ZNF529: variants seen among roughly 807,000 people sequenced by gnomAD.
The protein encoded by ZNF529 is zinc finger protein 529.
ZNF529 carries 11 observed loss-of-function variants against 10.1 expected under a neutral mutation model. The ratio of observed to expected loss-of-function variants is 1.09; its 90% CI spans 0.69 to 1.81. The LOEUF is 1.81. ZNF529 is among the 40% of genes most tolerant of loss of function. The probability of loss-of-function intolerance (pLI) is 0.00; values close to 1 mark genes in which losing one functional copy is unlikely to be tolerated. For synonymous variants in ZNF529, 204 were observed against 215.7 expected (o/e 0.95, Z 0.47); for missense variants, 624 against 666.8 (o/e 0.94, Z 0.71).
chr19:36,577,254 C>T (rs181434020), upstream of ZNF529: 2 of 430,744 alleles, frequency 4.6e-6, no homozygotes, highest in Admixed American at 5.1e-5. Flanking sequence ...ACCACCGTGC[C>T]CGGCCCTACT....
At chr19:36,576,932 G>C (rs916577061), upstream of ZNF529, among the ~76,000 whole-genome samples, 1 of 151,106 alleles carries the variant, frequency 6.6e-6, no homozygotes, top group Admixed American at 6.6e-5. Flanking sequence ...CAGTTTACTA[G>C]TGAGTGATTC....
chr19:36,570,326 A>AT (rs1455279155), intron 2 of ZNF529, among the ~76,000 whole-genome samples: 1 of 144,058 alleles, frequency 6.9e-6, no homozygotes, highest in African/African-American at 2.6e-5. Flanking sequence ...CCACCACTGC[A>AT]TTTCAGCCTG....
intron 4 of ZNF529, 71 bp from the exon 5 acceptor site, chr19:36,548,393 A>C (rs2035135525): frequency 1.4e-6 from 2 of 1,396,028 alleles, no homozygotes; most frequent in Non-Finnish European, 1.9e-6. Context: ...GAGACAATTT[A>C]AGAATAATTC....
At chr19:36,564,957 G>A (rs1440243990) in intron 2 of ZNF529, among the ~76,000 whole-genome samples, 1 of 152,142 alleles carries the variant, frequency 6.6e-6, no homozygotes, top group Non-Finnish European at 1.5e-5. Flanking sequence ...GGATGCAGCT[G>A]GAGGCCATTA....
At chr19:36,598,100 C>T (rs1211786059) in intron 1 of ZNF529, among the ~76,000 whole-genome samples, 5 of 152,164 alleles carry the variant, frequency 3.3e-5, no homozygotes, top group East Asian at 3.8e-4. Context: ...GCTGCACAGC[C>T]AGTACAAGGA....
chr19:36,572,333 C>T lies in ZNF529; in HGVS notation c.14G>A (p.Ser5Asn). 1 of 1,550,198 alleles carries T rather than the reference C, an allele frequency of 6.5e-7. No individual in the cohort carries two copies. Among genetic ancestry groups the T allele is most frequent in the Non-Finnish European group, 8.7e-7 (1 of 1,146,520 alleles). Residue 5 changes from serine to asparagine, a missense_variant and splice_region_variant, in exon 2 of 5, where the codon AGT (serine) becomes AAT (asparagine). By Grantham distance (46) the Ser-to-Asn change is conservative. Transcript: ENST00000591340. Reference protein sequence around the residue: MANSSFIGDHVHGAP... With the variant: MANSNFIGDHVHGAP... The stretch of plus-strand genomic sequence containing the variant: ...TAAATGAACAAAAAAAAAAACTAAC[C>T]TTGAGTTGGCCATTAGTACCAATGC...
intron 2 of ZNF529, among the ~76,000 whole-genome samples, chr19:36,570,827 C>CT (rs1483298968): frequency 6.6e-6 from 1 of 152,138 alleles, no homozygotes; most frequent in East Asian, 1.9e-4. Flanking sequence ...CACAAACCAG[C>CT]TTTTTTTCTT....
chr19:36,546,652 C>A lies in ZNF529; in HGVS notation c.*214G>T. On this transcript the variant is annotated 3_prime_UTR_variant, in exon 5 of 5. Coordinates refer to ENST00000591340, the MANE Select transcript of ZNF529 (RefSeq NM_020951.5). ...GAAACTCATGAAAAAAACTTTTTAA[C>A]ATAAAAAGGAGAAATATTTGGCAAC... 1 of 449,250 alleles carries A rather than the reference C, an allele frequency of 2.2e-6. No homozygotes were observed. Among genetic ancestry groups the A allele is most frequent in the Non-Finnish European group, 3.8e-6 (1 of 265,524 alleles). The allele number at this position is 449,250 out of a possible 1,614,324, so 27.8% of individuals were successfully genotyped here.
At chr19:36,598,736 A>G (rs1448979513) in intron 1 of ZNF529, among the ~76,000 whole-genome samples, 1 of 152,186 alleles carries the variant, frequency 6.6e-6, no homozygotes, top group East Asian at 1.9e-4. Flanking sequence ...AAAAACTAAC[A>G]ACAAATCACT....
chr19:36,594,866 ATTTCTTT>A (rs1014144592), intron 1 of ZNF529, among the ~76,000 whole-genome samples: 22 of 148,222 alleles, frequency 1.5e-4, no homozygotes, highest in East Asian at 1.2e-3. Context: ...AGCACTTCCT[ATTTCTTT>A]TTTCTTTTTT....
intron 1 of ZNF529, chr19:36,572,921 AAAC>A (rs869198635): frequency 2.5e-4 from 38 of 153,062 alleles, no homozygotes; most frequent in Admixed American, 1.1e-3. Context: ...ACAAACAAAC[AAAC>A]AAAAAAAAAC....
At chr19:36,565,822 TAA>T (rs1180996399) in intron 2 of ZNF529, among the ~76,000 whole-genome samples, 1 of 152,156 alleles carries the variant, frequency 6.6e-6, no homozygotes, top group East Asian at 1.9e-4. Context: ...GACTAACGTG[TAA>T]AACAGTCATT....
At chr19:36,592,217 G>A (rs1479554793) in intron 1 of ZNF529, among the ~76,000 whole-genome samples, 5 of 150,262 alleles carry the variant, frequency 3.3e-5, no homozygotes, top group African/African-American at 4.9e-5. Context: ...CCCGGGAGGC[G>A]GAGGTTGCAG....
At chr19:36,559,373 A>G (rs1019155336) in intron 2 of ZNF529, among the ~76,000 whole-genome samples, 3 of 152,180 alleles carry the variant, frequency 2.0e-5, no homozygotes, top group Non-Finnish European at 2.9e-5. Context: ...CAGTGCCACA[A>G]TCTCGGTTCA....
Position 36,602,443 on chromosome 19 carries a change from C to CTT in ZNF529, c.-128+2681_-128+2682dup, listed in dbSNP as rs34137129. 5.4e-3 allele frequency among the ~76,000 whole-genome samples: 794 copies of CTT among 146,686 alleles called. 21 individuals carry two copies. The highest frequency in any genetic ancestry group is 0.037 in the Admixed American group (536 of 14,632). On this transcript the variant is annotated intron_variant, in intron 1 of 4. Transcript: ENST00000585960. ...TCACATGTCATGAAATATTACTCTCCTTTTTTTTTTTTTCGTGGTCAACTA... is the reference window on the plus strand; with the variant it reads ...TCACATGTCATGAAATATTACTCTCCTTTTTTTTTTTTTTTCGTGGTCAACTA...
At chr19:36,589,847 A>G (rs974900576) in intron 1 of ZNF529, 4 of 152,248 alleles carry the variant, frequency 2.6e-5, no homozygotes, top group Admixed American at 6.5e-5. Flanking sequence ...TTCAAGACAG[A>G]CCACATACTA....
chr19:36,570,929 A>G (rs1372788188), intron 2 of ZNF529, among the ~76,000 whole-genome samples: 1 of 152,206 alleles, frequency 6.6e-6, no homozygotes, highest in Admixed American at 6.5e-5. Context: ...TAAAGACCCT[A>G]AAGCACTGAT....
At chr19:36,565,426 G>C (rs1267033021) in intron 2 of ZNF529, among the ~76,000 whole-genome samples, 2 of 152,160 alleles carry the variant, frequency 1.3e-5, no homozygotes, top group African/African-American at 2.4e-5. Flanking sequence ...GAACAGGCCG[G>C]GCGCGGTGGC....
At chr19:36,550,549 A>G (rs1347248843) in intron 4 of ZNF529, among the ~76,000 whole-genome samples, 3 of 152,200 alleles carry the variant, frequency 2.0e-5, no homozygotes. Context: ...ACGTCTTAAA[A>G]AAAAAAGAAG....
Sources: gnomAD v4.1 joint callset for allele counts (sites outside exome capture counted in the v4.1 genomes callset) on GRCh38, gnomAD v4.1.1 for gene constraint, MANE v1.5 for transcripts, NCBI Gene and HGNC (gene_info 2026-07-23, HGNC 2026-07-21) for gene names.